Variants in GBE1 observed in about 807,000 individuals in gnomAD.
The protein encoded by GBE1 is 1,4-alpha-glucan-branching enzyme.
In GBE1, 70 loss-of-function variants were observed where a neutral mutation model predicts 88.8. That is an observed-to-expected ratio of 0.79 (90% confidence interval 0.65 to 0.96). The LOEUF (loss-of-function observed/expected upper bound fraction) is 0.96, where lower values mean the gene tolerates loss of function less well. GBE1 is among the 40% of genes least tolerant of loss of function. The pLI, the probability that GBE1 is intolerant of heterozygous loss-of-function variation, is 0.00. For synonymous variants in GBE1, 284 were observed against 300.1 expected (o/e 0.95, Z 0.56); for missense variants, 872 against 871.0 (o/e 1.00, Z -0.01).
At chr3:81,642,709 A>T (rs764957150) in intron 7 of GBE1, 72 bp downstream of exon 7, 7 of 954,802 alleles carry the variant, frequency 7.3e-6, no homozygotes, top group Non-Finnish European at 8.4e-6. Context: ...CACACAATGA[A>T]TTTAGTGAAA....
chr3:81,706,339 C>T (rs893923325), intron 1 of GBE1, among the ~76,000 whole-genome samples: 3 of 152,174 alleles, frequency 2.0e-5, no homozygotes, highest in Admixed American at 1.3e-4. Context: ...GGGCAAAGAA[C>T]AGCACATGCC....
At chr3:81,597,755 G>A (rs1559657490) in intron 7 of GBE1, among the ~76,000 whole-genome samples, 1 of 151,518 alleles carries the variant, frequency 6.6e-6, no homozygotes, top group African/African-American at 2.4e-5. Context: ...TTAAGTCAAA[G>A]GTGCCTAATA....
At chr3:81,587,825 C>T (rs1703820967) in intron 9 of GBE1, among the ~76,000 whole-genome samples, 1 of 152,142 alleles carries the variant, frequency 6.6e-6, no homozygotes, top group Non-Finnish European at 1.5e-5. Flanking sequence ...CCTAAATACA[C>T]ACAAACATAA....
intron 3 of GBE1, among the ~76,000 whole-genome samples, chr3:81,650,838 G>A: frequency 6.6e-6 from 1 of 151,552 alleles, no homozygotes; most frequent in Middle Eastern, 3.4e-3. Flanking sequence ...CTAATTTTGG[G>A]GGGGTCTGGG....
At position 81,733,595 on chromosome 3, in the gene GBE1, A is replaced by C. The variant is rs920603757; in HGVS notation, c.143+27780T>G. ...GGTACACTCTTCCACCAGACAGTGC[A>C]TGACTAATTCCCCTGCAGGTCTTTC... On this transcript the variant is annotated intron_variant, in intron 1 of 15. Transcript: ENST00000429644. This position sits in a 1 kb window ranked among gnomAD's most constrained non-coding sequence, Gnocchi z 4.0. Among the ~76,000 whole-genome samples, 1 of 152,114 alleles carries C rather than the reference A, an allele frequency of 6.6e-6. No homozygotes were observed. Among genetic ancestry groups the C allele is most frequent in the Non-Finnish European group, 1.5e-5 (1 of 68,032 alleles).
chr3:81,662,884 T>C (rs1204337071), intron 3 of GBE1, among the ~76,000 whole-genome samples: 1 of 152,162 alleles, frequency 6.6e-6, no homozygotes, highest in African/African-American at 2.4e-5. Flanking sequence ...TGCAGCTAGA[T>C]TTCAACATGG....
At chr3:81,552,269 G>A (rs1282457137) in intron 12 of GBE1, among the ~76,000 whole-genome samples, 1 of 152,166 alleles carries the variant, frequency 6.6e-6, no homozygotes, top group African/African-American at 2.4e-5. Context: ...TGTAATCCCT[G>A]CACTTTGGGA....
intron 12 of GBE1, among the ~76,000 whole-genome samples, chr3:81,555,568 C>T (rs1303174017): frequency 6.6e-6 from 1 of 152,212 alleles, no homozygotes; most frequent in African/African-American, 2.4e-5. Context: ...CTACTATTCA[C>T]ACCTGGCTGA....
intron 3 of GBE1, among the ~76,000 whole-genome samples, chr3:81,666,780 G>C (rs992410745): frequency 6.6e-6 from 1 of 152,074 alleles, no homozygotes; most frequent in Non-Finnish European, 1.5e-5. Flanking sequence ...AACTTATCTA[G>C]AAAATAATTT....
intron 1 of GBE1, among the ~76,000 whole-genome samples, chr3:81,707,092 T>C (rs1023917112): frequency 2.0e-5 from 3 of 151,964 alleles, no homozygotes; most frequent in Admixed American, 2.0e-4. Flanking sequence ...AAAATTATCC[T>C]AAAGAATTAA....
chr3:81,560,417 G>C (rs941831476), intron 12 of GBE1, among the ~76,000 whole-genome samples: 2 of 151,838 alleles, frequency 1.3e-5, no homozygotes, highest in Non-Finnish European at 2.9e-5. Flanking sequence ...ACTATGCTGG[G>C]AAGGAAAGAC....
chr3:81,597,440 T>G (rs1288432480), intron 7 of GBE1, among the ~76,000 whole-genome samples: 1 of 145,620 alleles, frequency 6.9e-6, no homozygotes, highest in Non-Finnish European at 1.5e-5. Context: ...TATATATATC[T>G]CAAAAATATA....
chr3:81,650,320 C>T (rs993359989), intron 3 of GBE1: 6 of 164,482 alleles, frequency 3.6e-5, no homozygotes, highest in Admixed American at 1.3e-4. Context: ...ATAACCATCT[C>T]TTTCATTTGC....
At chr3:81,572,389 G>A (rs887241998) in intron 12 of GBE1, among the ~76,000 whole-genome samples, 40 of 152,240 alleles carry the variant, frequency 2.6e-4, no homozygotes, top group African/African-American at 9.4e-4. Context: ...GTAGTATAAA[G>A]TTACAAAGAT....
In GBE1 at chr3:81,750,577, G is replaced by A. The variant is rs1219153311; in HGVS notation, c.143+10798C>T. 6.0e-4 allele frequency among the ~76,000 whole-genome samples: 21 copies of A among 35,222 alleles called. 2 individuals are homozygous for A. Among genetic ancestry groups the A allele is most frequent in the South Asian group, 1.2e-3 (2 of 1,632 alleles). The allele number at this position is 35,222 out of a possible 152,430, so 23.1% of individuals were successfully genotyped here. A position where few individuals can be genotyped will look rare whatever the true frequency, so the allele number is the denominator to read the frequency against. ...TATATATATATGTATATATATATAC[G>A]TATATATATACGTATATATATATGT... On this transcript the variant is annotated intron_variant, in intron 1 of 15. Coordinates refer to ENST00000429644, the MANE Select transcript of GBE1 (RefSeq NM_000158.4).
chr3:81,729,725 T>C (rs1044192247), intron 1 of GBE1, among the ~76,000 whole-genome samples: 1 of 152,174 alleles, frequency 6.6e-6, no homozygotes, highest in Non-Finnish European at 1.5e-5. Context: ...GTCAGCCAGT[T>C]TCCCCAGCCA....
At chr3:81,755,384 T>C (rs1186628452) in intron 1 of GBE1, among the ~76,000 whole-genome samples, 3 of 151,988 alleles carry the variant, frequency 2.0e-5, no homozygotes, top group Non-Finnish European at 4.4e-5. Context: ...TAAATTACCA[T>C]AGCCACTTGG....
chr3:81,698,401 T>A (rs1705634985), intron 2 of GBE1, among the ~76,000 whole-genome samples: 1 of 152,026 alleles, frequency 6.6e-6, no homozygotes, highest in Non-Finnish European at 1.5e-5. Context: ...TGAACATACA[T>A]CTCCAATGCA....
chr3:81,587,970 T>C (rs1703822383), intron 9 of GBE1, among the ~76,000 whole-genome samples: 1 of 152,170 alleles, frequency 6.6e-6, no homozygotes, highest in Non-Finnish European at 1.5e-5. Context: ...TTTGAAATAT[T>C]CCCTCTTGCA....
Sources: gnomAD v4.1 joint callset for allele counts (sites outside exome capture counted in the v4.1 genomes callset) on GRCh38, gnomAD v4.1.1 for gene constraint, Gnocchi (gnomAD v3.1) non-coding constraint, MANE v1.5 for transcripts, NCBI Gene and HGNC (gene_info 2026-07-23, HGNC 2026-07-21) for gene names.